MAMLD1: variants seen among roughly 807,000 people sequenced by gnomAD.
MAMLD1 encodes mastermind like domain containing 1, also known as mastermind-like domain-containing protein 1.
MAMLD1 carries 14 observed loss-of-function variants against 45.0 expected under a neutral mutation model. The ratio of observed to expected loss-of-function variants is 0.31; its 90% confidence interval spans 0.21 to 0.49. The LOEUF is 0.49. Among genes scored for constraint, MAMLD1 ranks in the 20% least tolerant of loss-of-function variants. MAMLD1 has a pLI of 0.99. For missense variants in MAMLD1, 543 were observed against 603.6 expected (o/e 0.90, Z 1.05); for synonymous variants, 254 against 247.8 (o/e 1.02, Z -0.24).
At chrX:150,464,361 C>A (rs781901631) in intron 3 of MAMLD1, among the ~76,000 whole-genome samples, 4 of 112,052 alleles carry the variant, frequency 3.6e-5, no homozygotes, top group Non-Finnish European at 5.6e-5. Flanking sequence ...TGAAGCCAAT[C>A]AGCATTAGCA....
In MAMLD1 at chrX:150,470,842, T is replaced by C; in HGVS notation, c.1269T>C (p.Pro423=). The change falls in exon 4 of 8, where the codon CCT becomes CCC. Residue 423 remains proline, a synonymous_variant. Coordinates refer to ENST00000370401, the MANE Select transcript of MAMLD1 (RefSeq NM_005491.5). The stretch of plus-strand genomic sequence containing the variant: ...TCACTCAACAGCCGCAGTTCGGCCC[T>C]CAGAGCTCCATTCTTGCCAACCTCA... ...PALTQQPQFG[P]QSSILANLMS... is the part of the protein sequence containing the mutation. 2 of 1,211,905 alleles carry C rather than the reference T, an allele frequency of 1.7e-6. No homozygotes were observed. Among genetic ancestry groups the C allele is most frequent in the Non-Finnish European group, 2.2e-6 (2 of 895,592 alleles).
chrX:150,465,288 T>C (rs1415727122), intron 3 of MAMLD1, among the ~76,000 whole-genome samples: 1 of 112,455 alleles, frequency 8.9e-6, no homozygotes, highest in Non-Finnish European at 1.9e-5. Flanking sequence ...AAGAAATTTT[T>C]CCCCTTTTTT....
chrX:150,448,625 G>T (rs1190194767), intron 2 of MAMLD1, among the ~76,000 whole-genome samples: 4 of 112,083 alleles, frequency 3.6e-5, no homozygotes, highest in African/African-American at 1.3e-4. Context: ...GAACATTTGG[G>T]CATCTACCCA....
intron 5 of MAMLD1, among the ~76,000 whole-genome samples, chrX:150,502,666 G>C (rs1330740308): frequency 8.9e-6 from 1 of 112,182 alleles, no homozygotes; most frequent in Non-Finnish European, 1.9e-5. Context: ...GTGGGGTATA[G>C]TTCAACAAGG....
Position 150,445,612 on chromosome X carries a change from G to T in MAMLD1, c.96G>T (p.Ser32=). 8.4e-7 allele frequency: 1 copy of T among 1,188,299 alleles called. No homozygotes were observed. Among genetic ancestry groups the T allele is most frequent in the Non-Finnish European group, 1.1e-6 (1 of 874,873 alleles). Residue 32 remains serine, a splice_region_variant and synonymous_variant, in exon 2 of 8, where the codon TCG becomes TCT. Transcript: ENST00000370401. ...NRQEPRKLQE[S]GKKPSWMEEE... is the part of the protein sequence containing the mutation. ...AGGAGCCCAGAAAGCTCCAGGAATC[G>T]GTCAGACAATGGGCCATGGGGGGAG...
intron 1 of MAMLD1, among the ~76,000 whole-genome samples, chrX:150,403,964 G>GA (rs1198473619): frequency 1.2e-5 from 1 of 83,713 alleles, no homozygotes; most frequent in Non-Finnish European, 2.3e-5. Context: ...AAGAAAGAAA[G>GA]AAAGAAAGAA....
chrX:150,431,885 G>A (rs1353952429), intron 1 of MAMLD1, among the ~76,000 whole-genome samples: 3 of 111,288 alleles, frequency 2.7e-5, no homozygotes, highest in Non-Finnish European at 5.7e-5. Context: ...GAACACATGC[G>A]TGTGTGTGTC....
At chrX:150,437,230 G>C (rs1330046903) in intron 1 of MAMLD1, among the ~76,000 whole-genome samples, 9 of 111,972 alleles carry the variant, frequency 8.0e-5, no homozygotes, top group African/African-American at 2.9e-4. Flanking sequence ...CAGAACGGCA[G>C]GGTGCACTTT....
At chrX:150,403,945 A>AAAGAAAG (rs2033902501) in intron 1 of MAMLD1, among the ~76,000 whole-genome samples, 1 of 49,660 alleles carries the variant, frequency 2.0e-5, no homozygotes, top group Non-Finnish European at 3.9e-5. Flanking sequence ...GAAAGAAAAG[A>AAAGAAAG]AAGAAAGAAA....
At position 150,512,154 on chromosome X, in the gene MAMLD1, T is replaced by C; in HGVS notation, c.*195T>C. The C allele has an allele frequency of 8.7e-7, 1 of 1,151,158 alleles. No individual in the cohort carries two copies. The highest frequency in any genetic ancestry group is 1.1e-6 in the Non-Finnish European group (1 of 870,214). 94.9% of individuals were successfully genotyped at this position (1,151,158 alleles called of 1,213,427 possible). Reference sequence around the variant, plus strand: ...ACCAGGCACCAGAGCTGCGAGGGCATGGGAGTGATCTCACCAACTCTGGGG... The same window carrying C: ...ACCAGGCACCAGAGCTGCGAGGGCACGGGAGTGATCTCACCAACTCTGGGG... On this transcript the variant is annotated 3_prime_UTR_variant, in exon 8 of 8. Coordinates refer to ENST00000370401, the MANE Select transcript of MAMLD1 (RefSeq NM_005491.5).
chrX:150,473,949 G>A (rs2036507247), intron 5 of MAMLD1, 147 bp downstream of exon 5: 5 of 661,348 alleles, frequency 7.6e-6, no homozygotes, highest in African/African-American at 2.2e-5. Context: ...ACCTAGGTGG[G>A]GTTGGAGAAA....
intron 1 of MAMLD1, among the ~76,000 whole-genome samples, chrX:150,373,452 GCT>G (rs1232763008): frequency 1.3e-4 from 13 of 100,588 alleles, no homozygotes; most frequent in African/African-American, 3.3e-4. Flanking sequence ...GTTGTGAAGA[GCT>G]CTCTCTCTCT....
chrX:150,513,595 C>G lies in MAMLD1; in HGVS notation c.*1636C>G, dbSNP rs1358363922. ...CCTATTGCCTTGTGTGATTCTTAAT[C>G]TCTTTTGCGAACCTTTCAGTCTCCG... On this transcript the variant is annotated 3_prime_UTR_variant, in exon 8 of 8. Transcript: ENST00000370401. The G allele has an allele frequency of 6.8e-6, 2 of 295,638 alleles. No homozygotes were observed. Among genetic ancestry groups the G allele is most frequent in the East Asian group, 9.6e-5 (2 of 20,917 alleles). The allele number at this position is 295,638 out of a possible 1,213,427, so 24.4% of individuals were successfully genotyped here.
chrX:150,405,542 C>T (rs1164877644), intron 1 of MAMLD1, among the ~76,000 whole-genome samples: 4 of 111,746 alleles, frequency 3.6e-5, no homozygotes, highest in Non-Finnish European at 7.5e-5. Context: ...CCCACCTGTG[C>T]AGCCATGTTA....
intron 2 of MAMLD1, among the ~76,000 whole-genome samples, chrX:150,458,973 A>C (rs1402840751): frequency 8.9e-6 from 1 of 112,330 alleles, no homozygotes; most frequent in Non-Finnish European, 1.9e-5. Context: ...GCTGTATTGC[A>C]TATTTGAAAT....
intron 5 of MAMLD1, among the ~76,000 whole-genome samples, chrX:150,479,963 G>A (rs2036703440): frequency 9.0e-6 from 1 of 111,475 alleles, no homozygotes; most frequent in Non-Finnish European, 1.9e-5. Context: ...GGGAATCAAA[G>A]ACGTGACCCT....
At chrX:150,386,381 C>T (rs1557402042) in intron 1 of MAMLD1, among the ~76,000 whole-genome samples, 3 of 111,175 alleles carry the variant, frequency 2.7e-5, no homozygotes, top group Non-Finnish European at 5.7e-5. Context: ...TCTTAGAAGT[C>T]CTTATGACCC....
rs894694611 is a variant in MAMLD1, at chrX:150,481,232, C to T, written c.2040+7430C>T. 3.5e-5 allele frequency among the ~76,000 whole-genome samples: 4 copies of T among 112,928 alleles called. No individual in the cohort carries two copies. The Admixed American group carries it at 3.7e-4, about 10-fold the overall frequency. On this transcript the variant is annotated intron_variant, in intron 5 of 7. Coordinates refer to ENST00000370401, the MANE Select transcript of MAMLD1 (RefSeq NM_005491.5). ...GACCCTTTCCCTTTATCTGGCAATC[C>T]TTTCAAAGATGAGCTCTGGAAAATG...
chrX:150,405,901 A>G (rs1045089340), intron 1 of MAMLD1, among the ~76,000 whole-genome samples: 3 of 111,044 alleles, frequency 2.7e-5, no homozygotes, highest in African/African-American at 9.9e-5. Context: ...ACCTGGAGTC[A>G]GGAGACTTCC....
Sources: gnomAD v4.1 joint callset for allele counts (sites outside exome capture counted in the v4.1 genomes callset) on GRCh38, gnomAD v4.1.1 for gene constraint, MANE v1.5 for transcripts, NCBI Gene and HGNC (gene_info 2026-07-23, HGNC 2026-07-21) for gene names.